The following ANKRD44 variants were observed in gnomAD, a reference collection of about 807,000 sequenced individuals.
ANKRD44 encodes ankyrin repeat domain 44.
In ANKRD44, 35 loss-of-function variants were observed where a neutral mutation model predicts 116.0. The ratio of observed to expected loss-of-function variants is 0.30; its 90% CI spans 0.23 to 0.40. ANKRD44 has a LOEUF of 0.40. ANKRD44 is among the 10% of genes least tolerant of loss of function. ANKRD44 has a pLI of 1.00. For missense variants in ANKRD44, 1,014 were observed against 1,242.6 expected (o/e 0.82, Z 2.77); for synonymous variants, 435 against 461.8 (o/e 0.94, Z 0.74).
intron 3 of ANKRD44, among the ~76,000 whole-genome samples, chr2:197,141,923 T>A (rs1390224721): frequency 6.6e-6 from 1 of 152,220 alleles, no homozygotes; most frequent in East Asian, 1.9e-4. Flanking sequence ...ATAGCTGATT[T>A]TTTCTAAAGG....
intron 1 of ANKRD44, among the ~76,000 whole-genome samples, chr2:197,248,640 T>C (rs996373514): frequency 6.0e-5 from 9 of 150,888 alleles, no homozygotes; most frequent in Non-Finnish European, 1.2e-4. Flanking sequence ...GACATAGATA[T>C]AGCTCCTATT....
At chr2:197,035,080 A>G (rs1420791413) in intron 16 of ANKRD44, among the ~76,000 whole-genome samples, 1 of 152,228 alleles carries the variant, frequency 6.6e-6, no homozygotes, top group Non-Finnish European at 1.5e-5. Flanking sequence ...CAAAGGCAAT[A>G]GAAGGTTAAA....
intron 2 of ANKRD44, among the ~76,000 whole-genome samples, chr2:197,172,753 A>G (rs2080271957): frequency 6.6e-6 from 1 of 152,024 alleles, no homozygotes; most frequent in Non-Finnish European, 1.5e-5. Flanking sequence ...TTTAGTAGAG[A>G]CAGGGTTTCA....
chr2:197,092,336 T>A (rs1426976760), intron 10 of ANKRD44, among the ~76,000 whole-genome samples: 1 of 152,246 alleles, frequency 6.6e-6, no homozygotes, highest in Non-Finnish European at 1.5e-5. Context: ...CCATGCTTCA[T>A]AAAGAAACAC....
intron 1 of ANKRD44, among the ~76,000 whole-genome samples, chr2:197,284,533 C>T: frequency 8.0e-6 from 1 of 124,980 alleles, no homozygotes. Flanking sequence ...CACACACACA[C>T]ACACACACAT....
At position 197,110,857 on chromosome 2, in the gene ANKRD44, G is replaced by C; in HGVS notation, c.907-13C>G. ...TGCCATCTTTACTCTAAAAAAAAGA[G>C]AGGGAGAGAAAAACAATGGAGGTGC... On this transcript the variant is annotated splice_polypyrimidine_tract_variant and intron_variant, in intron 8 of 27. Coordinates refer to ENST00000282272, the MANE Select transcript of ANKRD44 (RefSeq NM_001195144.2). The C allele has an allele frequency of 6.2e-7, 1 of 1,610,714 alleles. No individual in the cohort carries two copies. The highest frequency in any genetic ancestry group is 8.5e-7 in the Non-Finnish European group (1 of 1,176,934).
chr2:197,063,827 T>C (rs1223846594), intron 16 of ANKRD44, among the ~76,000 whole-genome samples: 3 of 152,170 alleles, frequency 2.0e-5, no homozygotes, highest in East Asian at 1.9e-4. Context: ...CTACGTCTGA[T>C]TGGTGTACCT....
intron 16 of ANKRD44, among the ~76,000 whole-genome samples, chr2:197,058,328 A>G (rs2077242816): frequency 6.6e-6 from 1 of 152,064 alleles, no homozygotes; most frequent in Non-Finnish European, 1.5e-5. Context: ...TATTGCTTGA[A>G]GTTAGAAAAG....
Position 197,303,603 on chromosome 2 carries a change from T to C in ANKRD44, c.27+6975A>G, listed in dbSNP as rs115442690. Among the ~76,000 whole-genome samples, 248 of 152,278 alleles carry C rather than the reference T, an allele frequency of 1.6e-3. 1 individual carries two copies. The highest frequency in any genetic ancestry group is 5.7e-3 in the African/African-American group (237 of 41,554). ...TGAAAGCTTTCTTAGGGGAAAATGGTCTTCTGGTATAAAAGATATCCTAGA... is the reference window on the plus strand; with the variant it reads ...TGAAAGCTTTCTTAGGGGAAAATGGCCTTCTGGTATAAAAGATATCCTAGA... On this transcript the variant is annotated intron_variant, in intron 1 of 27. Transcript: ENST00000282272.
At chr2:196,982,318 G>A (rs371632504), downstream of ANKRD44, among the ~76,000 whole-genome samples, 1 of 151,962 alleles carries the variant, frequency 6.6e-6, no homozygotes, top group African/African-American at 2.4e-5. Flanking sequence ...GTTAATTGGC[G>A]ATAGCAGAGT....
chr2:197,175,786 T>G (rs1481228586), intron 2 of ANKRD44, among the ~76,000 whole-genome samples: 4 of 152,214 alleles, frequency 2.6e-5, no homozygotes, highest in African/African-American at 4.8e-5. Context: ...TAACTGAGGT[T>G]ATTCATGACA....
intron 16 of ANKRD44, among the ~76,000 whole-genome samples, chr2:197,065,175 A>G (rs2077403651): frequency 6.6e-6 from 1 of 152,244 alleles, no homozygotes; most frequent in Admixed American, 6.5e-5. Context: ...AACTACATGG[A>G]AACTGAACAA....
At chr2:197,177,062 A>C (rs1397568274) in intron 2 of ANKRD44, among the ~76,000 whole-genome samples, 1 of 152,196 alleles carries the variant, frequency 6.6e-6, no homozygotes, top group Non-Finnish European at 1.5e-5. Context: ...TAGTTGATCT[A>C]AAATATACTT....
intron 21 of ANKRD44, among the ~76,000 whole-genome samples, chr2:197,004,483 G>C (rs1243943157): frequency 3.3e-5 from 5 of 152,110 alleles, no homozygotes; most frequent in African/African-American, 4.8e-5. Context: ...AAAGTGAACA[G>C]TGGATGGAAA....
At chr2:197,162,043 T>A (rs186502750) in intron 2 of ANKRD44, among the ~76,000 whole-genome samples, 4 of 152,310 alleles carry the variant, frequency 2.6e-5, no homozygotes, top group Admixed American at 2.0e-4. Context: ...CAGCCCCTAG[T>A]CACTGGCGTG....
At chr2:197,114,936 C>T (rs975587639) in intron 8 of ANKRD44, among the ~76,000 whole-genome samples, 1 of 152,196 alleles carries the variant, frequency 6.6e-6, no homozygotes, top group African/African-American at 2.4e-5. Flanking sequence ...TCACTCATTC[C>T]TCTCCTTTCC....
At chr2:197,000,386 C>T (rs925648926) in intron 23 of ANKRD44, 33 bp downstream of exon 23, 10 of 1,560,462 alleles carry the variant, frequency 6.4e-6, no homozygotes, top group Admixed American at 1.7e-5. Flanking sequence ...TAAGATTCAT[C>T]AAGAAAAAAG....
At chr2:197,200,751 A>C (rs181834263) in intron 1 of ANKRD44, among the ~76,000 whole-genome samples, 1 of 152,326 alleles carries the variant, frequency 6.6e-6, no homozygotes, top group East Asian at 1.9e-4. Flanking sequence ...CATGAAAGAA[A>C]GCAATAATGA....
chr2:197,196,052 GA>G (rs1262333302), intron 1 of ANKRD44, among the ~76,000 whole-genome samples: 1 of 152,184 alleles, frequency 6.6e-6, no homozygotes, highest in Non-Finnish European at 1.5e-5. Flanking sequence ...TAATTTTAGT[GA>G]AACAAAAAGA....
Sources: allele counts gnomAD v4.1 joint callset (sites outside exome capture counted in the v4.1 genomes callset), GRCh38; gene constraint gnomAD v4.1.1; transcripts MANE v1.5; gene names NCBI Gene and HGNC (gene_info 2026-07-23, HGNC 2026-07-21).